Variants in PTPRQ observed in about 807,000 individuals in gnomAD.
PTPRQ encodes the protein phosphatidylinositol phosphatase PTPRQ.
A neutral mutation model predicts 246.0 loss-of-function variants in PTPRQ; 199 were observed. The ratio of observed to expected loss-of-function variants is 0.81; its 90% CI spans 0.72 to 0.91. PTPRQ has a LOEUF of 0.91. Ranked by LOEUF, PTPRQ falls within the 40% of genes least tolerant of loss-of-function variation. The pLI is 0.00. For missense variants in PTPRQ, 2,624 were observed against 2,528.4 expected, an observed-to-expected ratio of 1.04 and a Z score of -0.81; for synonymous variants, 869 against 853.2, an observed-to-expected ratio of 1.02 and a Z score of -0.32.
chr12:80,496,588 C>G (rs1894632870), intron 14 of PTPRQ, 57 bp downstream of exon 14: 1 of 1,486,254 alleles, frequency 6.7e-7, no homozygotes. Context: ...GTAAGCAAAG[C>G]TGATAATCGC....
chr12:80,456,660 G>A (rs1351573552), intron 3 of PTPRQ, among the ~76,000 whole-genome samples: 3 of 152,006 alleles, frequency 2.0e-5, no homozygotes, highest in African/African-American at 2.4e-5. Flanking sequence ...CTTACTCTCC[G>A]TTTCATCTCA....
intron 19 of PTPRQ, 39 bp from the exon 20 acceptor site, chr12:80,539,734 TAAA>T: frequency 1.3e-6 from 2 of 1,485,444 alleles, no homozygotes; most frequent in Non-Finnish European, 1.8e-6. Context: ...TCATGCATAC[TAAA>T]AAAATACATT....
chr12:80,593,062 T>C (rs976422290), intron 26 of PTPRQ, among the ~76,000 whole-genome samples: 2 of 152,040 alleles, frequency 1.3e-5, no homozygotes, highest in African/African-American at 4.8e-5. Flanking sequence ...AATAAAATAA[T>C]AACTCTTTCT....
chr12:80,669,084 G>A lies in PTPRQ; in HGVS notation c.6270G>A (p.Val2090=). 6.4e-7 allele frequency: 1 copy of A among 1,550,678 alleles called. No homozygotes were observed. Among genetic ancestry groups the A allele is most frequent in the Non-Finnish European group, 8.7e-7 (1 of 1,146,144 alleles). ...CAGTTGGAGATTTTTGGAGAATGGT[G>A]TGGGAAACCAGAGCAAAAACATTAG... ...PGTVGDFWRM[V]WETRAKTLVM... Residue 2090 remains valine, a synonymous_variant, in exon 40 of 45, where the codon GTG becomes GTA. Transcript: ENST00000644991.
intron 17 of PTPRQ, among the ~76,000 whole-genome samples, chr12:80,511,732 A>G (rs1252634985): frequency 6.6e-6 from 1 of 152,178 alleles, no homozygotes; most frequent in Non-Finnish European, 1.5e-5. Context: ...AGGGAATACC[A>G]ACTGCACAAG....
At chr12:80,563,575 A>C (rs539913009) in intron 25 of PTPRQ, among the ~76,000 whole-genome samples, 33 of 152,326 alleles carry the variant, frequency 2.2e-4, no homozygotes, top group Middle Eastern at 3.4e-3. Context: ...TAGTAGAGAA[A>C]GGGAGGAGTA....
intron 25 of PTPRQ, among the ~76,000 whole-genome samples, chr12:80,576,486 C>T (rs1897282221): frequency 6.6e-6 from 1 of 152,080 alleles, no homozygotes; most frequent in South Asian, 2.1e-4. Context: ...AAATAACATT[C>T]AATTATATTC....
intron 35 of PTPRQ, among the ~76,000 whole-genome samples, chr12:80,645,913 T>C (rs1900056232): frequency 1.3e-5 from 2 of 152,130 alleles, no homozygotes; most frequent in Non-Finnish European, 1.5e-5. Flanking sequence ...TTTTACATGA[T>C]TATATGAAAA....
At chr12:80,544,860 A>AATGTT (rs1285844530) in intron 23 of PTPRQ, among the ~76,000 whole-genome samples, 2 of 152,086 alleles carry the variant, frequency 1.3e-5, no homozygotes, top group African/African-American at 4.8e-5. Flanking sequence ...AACCACTTCA[A>AATGTT]ATGTTACTGC....
At chr12:80,527,732 T>A (rs1433394577) in intron 17 of PTPRQ, among the ~76,000 whole-genome samples, 1 of 152,124 alleles carries the variant, frequency 6.6e-6, no homozygotes, top group Admixed American at 6.5e-5. Context: ...ATATCTTTAA[T>A]CTCAGCACTT....
At chr12:80,453,451 A>G (rs1892849614) in intron 3 of PTPRQ, among the ~76,000 whole-genome samples, 1 of 151,214 alleles carries the variant, frequency 6.6e-6, no homozygotes, top group Non-Finnish European at 1.5e-5. Context: ...TCTGCTTTTT[A>G]GAGTTTCCAG....
chr12:80,482,159 A>C (rs1380481856), intron 8 of PTPRQ, among the ~76,000 whole-genome samples: 1 of 151,830 alleles, frequency 6.6e-6, no homozygotes, highest in Admixed American at 6.6e-5. Flanking sequence ...ACAGCATGGT[A>C]CTGGTACCAA....
At chr12:80,590,439 G>A (rs950353002) in intron 26 of PTPRQ, among the ~76,000 whole-genome samples, 3 of 151,882 alleles carry the variant, frequency 2.0e-5, no homozygotes, top group Non-Finnish European at 4.4e-5. Flanking sequence ...AGGCTGAGGC[G>A]GGTGGATCAC....
At chr12:80,445,460 C>G in intron 2 of PTPRQ, 31 bp from the exon 3 acceptor site, 1 of 1,309,636 alleles carries the variant, frequency 7.6e-7, no homozygotes, top group Non-Finnish European at 1.0e-6. Context: ...AATTATTTGA[C>G]CTTTTAACAA....
chr12:80,527,545 C>G (rs1270923635), intron 17 of PTPRQ, among the ~76,000 whole-genome samples: 2 of 151,764 alleles, frequency 1.3e-5, no homozygotes, highest in Non-Finnish European at 2.9e-5. Flanking sequence ...AAATTCCATA[C>G]TTATAGAAGC....
At chr12:80,468,031 G>T (rs1893496047) in intron 6 of PTPRQ, among the ~76,000 whole-genome samples, 1 of 150,704 alleles carries the variant, frequency 6.6e-6, no homozygotes, top group Non-Finnish European at 1.5e-5. Context: ...TTAAAACAAT[G>T]ATTTCATAAG....
intron 6 of PTPRQ, among the ~76,000 whole-genome samples, chr12:80,463,169 TA>T (rs1291636529): frequency 6.6e-6 from 1 of 152,044 alleles, no homozygotes; most frequent in Non-Finnish European, 1.5e-5. Context: ...GAGAAGTGCT[TA>T]AAGGAGCTGA....
Position 80,669,077 on chromosome 12 carries a change from G to T in PTPRQ, c.6263G>T (p.Arg2088Ile). The T allele has an allele frequency of 6.4e-7, 1 of 1,550,600 alleles. No homozygotes were observed. Among genetic ancestry groups the T allele is most frequent in the Middle Eastern group, 1.7e-4 (1 of 5,980 alleles). ...CCAGGAACAGTTGGAGATTTTTGGA[G>T]AATGGTGTGGGAAACCAGAGCAAAA... ...PLPGTVGDFWRMVWETRAKTL... is the reference protein window; with the variant it reads ...PLPGTVGDFWIMVWETRAKTL... Residue 2088 changes from arginine (R) to isoleucine (I), a missense_variant, in exon 40 of 45, where the codon AGA (arginine) becomes ATA (isoleucine). Arg to Ile is a moderately conservative substitution (Grantham distance 97). Transcript: ENST00000644991.
chr12:80,556,284 C>G (rs1896644257), intron 25 of PTPRQ, among the ~76,000 whole-genome samples: 1 of 152,208 alleles, frequency 6.6e-6, no homozygotes, highest in Non-Finnish European at 1.5e-5. Context: ...TCACCTCAGC[C>G]TCCCAAAGTG....
Sources: allele counts gnomAD v4.1 joint callset (sites outside exome capture counted in the v4.1 genomes callset), GRCh38; gene constraint gnomAD v4.1.1; transcripts MANE v1.5; gene names NCBI Gene and HGNC (gene_info 2026-07-23, HGNC 2026-07-21).